TGDS: variants seen among roughly 807,000 people sequenced by gnomAD.
TGDS encodes the protein TDP-glucose 4,6-dehydratase.
A neutral mutation model predicts 52.3 loss-of-function variants in TGDS; 47 were observed. That is an observed-to-expected ratio of 0.90 (90% CI 0.71 to 1.15). The LOEUF (loss-of-function observed/expected upper bound fraction) is 1.15, where lower values mean the gene tolerates loss of function less well. Ranked by LOEUF, TGDS falls within the 50% of genes most tolerant of loss-of-function variation. The pLI is 0.00. For synonymous variants in TGDS, 115 were observed against 136.9 expected, an observed-to-expected ratio of 0.84 and a Z score of 1.12; for missense variants, 375 against 418.4, an observed-to-expected ratio of 0.90 and a Z score of 0.90.
In TGDS at chr13:94,581,107, T is replaced by C. The variant is rs1244338556; in HGVS notation, c.539A>G (p.Tyr180Cys). 3.8e-6 allele frequency: 6 copies of C among 1,582,594 alleles called. No individual in the cohort carries two copies. Residue 180 changes from tyrosine (Y) to cysteine (C), a missense_variant, in exon 6 of 12, where the codon TAC (tyrosine) becomes TGC (cysteine). Tyr to Cys is a radical substitution (Grantham distance 194). Coordinates refer to ENST00000261296, the MANE Select transcript of TGDS (RefSeq NM_014305.4). Reference protein sequence around the residue: ...KAAAECFVQSYWEQYKFPVVI... With the variant: ...KAAAECFVQSCWEQYKFPVVI... Reference sequence around the variant, plus strand: ...AGTTCTTACCTTATATTGTTCCCAGTAAGACTGTACAAAACATTCAGCAGC... The same window carrying C: ...AGTTCTTACCTTATATTGTTCCCAGCAAGACTGTACAAAACATTCAGCAGC...
At chr13:94,575,024 C>T (rs990023708) in intron 11 of TGDS, among the ~76,000 whole-genome samples, 172 bp from the exon 12 acceptor site, 18 of 152,102 alleles carry the variant, frequency 1.2e-4, no homozygotes, top group African/African-American at 4.3e-4. Flanking sequence ...ACAATGAAGT[C>T]AATCAGAAGA....
At chr13:94,595,483 G>A (rs1889342433) in intron 1 of TGDS, among the ~76,000 whole-genome samples, 1 of 152,202 alleles carries the variant, frequency 6.6e-6, no homozygotes, top group Non-Finnish European at 1.5e-5. Flanking sequence ...AGCAGCAGTC[G>A]AGGCAAAAGA....
chr13:94,579,977 G>C (rs1173866850), intron 6 of TGDS, 24 bp from the exon 7 acceptor site: 1 of 1,518,346 alleles, frequency 6.6e-7, no homozygotes, highest in South Asian at 1.2e-5. Context: ...CCAACATTAA[G>C]GCTTTTAAAA....
In TGDS at chr13:94,593,837, T is replaced by G. The variant is rs772208986; in HGVS notation, c.153+4A>C. ...TGCATGATGCTCATTTTTATAAAAC[T>G]CACCTTGTCTAGATTTATGATCATA... On this transcript the variant is annotated splice_donor_region_variant and intron_variant, in intron 2 of 11. Transcript: ENST00000261296. The G allele has an allele frequency of 6.4e-7, 1 of 1,553,768 alleles. No individual in the cohort carries two copies. Among genetic ancestry groups the G allele is most frequent in the Non-Finnish European group, 8.8e-7 (1 of 1,137,132 alleles).
intron 4 of TGDS, among the ~76,000 whole-genome samples, chr13:94,586,427 A>G (rs539294961): frequency 1.3e-5 from 2 of 152,246 alleles, no homozygotes; most frequent in African/African-American, 4.8e-5. Context: ...AGATCACTTC[A>G]TAAGTATAAA....
Position 94,577,528 on chromosome 13 carries a change from T to C in TGDS, c.826-99A>G, listed in dbSNP as rs371461058. 141 of 913,668 alleles carry C rather than the reference T, an allele frequency of 1.5e-4. No individual in the cohort carries two copies. In the South Asian group the frequency reaches 2.4e-3, roughly 16 times the overall value. The allele number at this position is 913,668 out of a possible 1,614,324, so 56.6% of individuals were successfully genotyped here. A position where few individuals can be genotyped will look rare whatever the true frequency, so the allele number is the denominator to read the frequency against. On this transcript the variant is annotated intron_variant, in intron 9 of 11. Coordinates refer to ENST00000261296, the MANE Select transcript of TGDS (RefSeq NM_014305.4). Reference sequence around the variant, plus strand: ...GATTAAAAAGAAAACAACTGCCTCATAGCAGGGAAGACAGCTAAAATGAAC... The same window carrying C: ...GATTAAAAAGAAAACAACTGCCTCACAGCAGGGAAGACAGCTAAAATGAAC...
intron 10 of TGDS, among the ~76,000 whole-genome samples, chr13:94,577,103 A>G (rs79537360): frequency 4.8e-5 from 7 of 146,730 alleles, no homozygotes; most frequent in Non-Finnish European, 1.1e-4. Context: ...TCTGTCTCCA[A>G]AAAAAAAAAA....
Position 94,583,183 on chromosome 13 carries a change from G to GA in TGDS, c.366dup (p.His123SerfsTer9). The GA allele has an allele frequency of 6.2e-7, 1 of 1,613,960 alleles. No individual in the cohort carries two copies. The highest frequency in any genetic ancestry group is 2.2e-5 in the East Asian group (1 of 44,862). On this transcript the variant is annotated frameshift_variant, in exon 5 of 12. Coordinates refer to ENST00000261296, the MANE Select transcript of TGDS (RefSeq NM_014305.4). LOFTEE classifies it high-confidence loss of function. ...TCATGAGCAGCACTTACCAAAACGTGAGTGCCATAAACATTAACATAGGTA... is the reference window on the plus strand; with the variant it reads ...TCATGAGCAGCACTTACCAAAACGTGAAGTGCCATAAACATTAACATAGGTA...
At chr13:94,580,649 G>C (rs1888755464) in intron 6 of TGDS, among the ~76,000 whole-genome samples, 1 of 151,990 alleles carries the variant, frequency 6.6e-6, no homozygotes, top group African/African-American at 2.4e-5. Context: ...ACCTCACTCT[G>C]ACTATAGCTG....
chr13:94,581,601 A>G (rs2139522476), intron 5 of TGDS, among the ~76,000 whole-genome samples: 1 of 152,326 alleles, frequency 6.6e-6, no homozygotes, highest in Non-Finnish European at 1.5e-5. Flanking sequence ...GATCTGATGT[A>G]GGGTGGCAGG....
At chr13:94,578,293 A>G in intron 8 of TGDS, 123 bp from the exon 9 acceptor site, 1 of 948,506 alleles carries the variant, frequency 1.1e-6, no homozygotes, top group Non-Finnish European at 1.6e-6. Context: ...CTTTACTGAA[A>G]ATACAAATTC....
At position 94,592,272 on chromosome 13, in the gene TGDS, A is replaced by G. The variant is rs763028354; in HGVS notation, c.191T>C (p.Ile64Thr). The G allele has an allele frequency of 2.5e-6, 4 of 1,611,454 alleles. No homozygotes were observed. The highest frequency in any genetic ancestry group is 3.4e-6 in the Non-Finnish European group (4 of 1,179,306). The change falls in exon 3 of 12, where the codon ATT becomes ACT. Residue 64 changes from isoleucine to threonine, a missense_variant. Physicochemically the swap from Ile to Thr is moderately conservative, Grantham distance 89 (BLOSUM62 -1). Coordinates refer to ENST00000261296, the MANE Select transcript of TGDS (RefSeq NM_014305.4). ...AAATTTGTAGTTCTGTTTGTTAGAA[A>G]TGGTTTCAAGATTCTTCAAGCTTGC... ...YCASLKNLET[I>T]SNKQNYKFIQ... is the part of the protein sequence containing the mutation.
chr13:94,589,164 G>C (rs1191899595), intron 4 of TGDS, among the ~76,000 whole-genome samples: 1 of 152,066 alleles, frequency 6.6e-6, no homozygotes, highest in African/African-American at 2.4e-5. Flanking sequence ...AAAGTGAGAA[G>C]ATAGGCCATA....
Position 94,577,362 on chromosome 13 carries a change from GT to G in TGDS, c.884+8del. The G allele has an allele frequency of 6.4e-7, 1 of 1,561,836 alleles. No homozygotes were observed. Among genetic ancestry groups the G allele is most frequent in the Non-Finnish European group, 8.6e-7 (1 of 1,159,742 alleles). ...CAACCTTTCCCCAAGGTTTTAACTT[GT>G]TACTCACCTATCATTAACATAATCA... On this transcript the variant is annotated splice_region_variant and intron_variant, in intron 10 of 11. Transcript: ENST00000261296.
intron 1 of TGDS, 174 bp downstream of exon 1, chr13:94,595,877 C>T: frequency 1.4e-6 from 1 of 703,646 alleles, no homozygotes; most frequent in Non-Finnish European, 2.5e-6. Flanking sequence ...AAAGGAACCA[C>T]TTCTTTGCAG....
At chr13:94,577,694 C>A (rs1335565431) in intron 9 of TGDS, among the ~76,000 whole-genome samples, 1 of 152,112 alleles carries the variant, frequency 6.6e-6, no homozygotes, top group African/African-American at 2.4e-5. Context: ...TATACATGGA[C>A]ATTCATAACT....
chr13:94,590,143 A>G (rs186788221), intron 4 of TGDS, among the ~76,000 whole-genome samples: 51 of 148,754 alleles, frequency 3.4e-4, no homozygotes, highest in African/African-American at 1.2e-3. Context: ...GATTTTGAAA[A>G]AACAAAAAAA....
At chr13:94,581,698 GTGGTCAAGGTTTACTTTTTCTCACTGT>G (rs1178691202) in intron 5 of TGDS, among the ~76,000 whole-genome samples, 1 of 152,150 alleles carries the variant, frequency 6.6e-6, no homozygotes, top group East Asian at 1.9e-4. Context: ...AAATTGAGAA[GTGGTCAAGGTTTACTTTTTCTCACTGT>G]AAGTCTTTTC....
intron 11 of TGDS, among the ~76,000 whole-genome samples, chr13:94,576,049 G>GA (rs1470508691): frequency 2.0e-5 from 3 of 152,082 alleles, no homozygotes; most frequent in Non-Finnish European, 4.4e-5. Context: ...TGAAGAAAGT[G>GA]AAAAAATATG....
Sources: gnomAD v4.1 joint callset for allele counts (sites outside exome capture counted in the v4.1 genomes callset) on GRCh38, gnomAD v4.1.1 for gene constraint, MANE v1.5 for transcripts, NCBI Gene and HGNC (gene_info 2026-07-23, HGNC 2026-07-21) for gene names.